Variants in TRDN observed in about 807,000 individuals in gnomAD.
TRDN encodes the protein triadin in skeletal muscle.
A neutral mutation model predicts 149.7 loss-of-function variants in TRDN; 161 were observed. The observed-to-expected ratio is 1.08, with a 90% CI of 0.95 to 1.23. TRDN has a LOEUF of 1.23. TRDN is among the 50% of genes most tolerant of loss of function. The pLI is 0.00. For synonymous variants in TRDN, 294 were observed against 250.5 expected, an observed-to-expected ratio of 1.17 and a Z score of -1.64; for missense variants, 896 against 823.5, an observed-to-expected ratio of 1.09 and a Z score of -1.08.
intron 12 of TRDN, among the ~76,000 whole-genome samples, chr6:123,433,403 C>T (rs1273415290): frequency 6.6e-6 from 1 of 151,752 alleles, no homozygotes; most frequent in East Asian, 1.9e-4. Context: ...CACTGTGTGC[C>T]TCCCTTGTCA....
intron 9 of TRDN, among the ~76,000 whole-genome samples, chr6:123,476,702 C>A (rs1328217340): frequency 4.1e-5 from 6 of 145,872 alleles, no homozygotes; most frequent in African/African-American, 1.5e-4. Context: ...GTACTGGTAC[C>A]AAAACAGAGA....
At chr6:123,271,519 T>C (rs1164266981) in intron 29 of TRDN, among the ~76,000 whole-genome samples, 1 of 151,996 alleles carries the variant, frequency 6.6e-6, no homozygotes, top group Non-Finnish European at 1.5e-5. Context: ...TATGTTCCCT[T>C]ACTATTATTA....
chr6:123,410,490 C>T (rs570025086), intron 12 of TRDN, among the ~76,000 whole-genome samples: 2 of 152,052 alleles, frequency 1.3e-5, no homozygotes, highest in Admixed American at 6.6e-5. Context: ...ATTTCTATAA[C>T]ATTTATTGTA....
At chr6:123,584,639 A>T (rs893091708) in intron 1 of TRDN, among the ~76,000 whole-genome samples, 20 of 152,050 alleles carry the variant, frequency 1.3e-4, no homozygotes, top group Non-Finnish European at 2.9e-4. Flanking sequence ...GACTGAAGTA[A>T]TGGGGGCTGT....
chr6:123,597,325 T>G (rs954796261), intron 1 of TRDN, among the ~76,000 whole-genome samples: 1 of 151,994 alleles, frequency 6.6e-6, no homozygotes, highest in African/African-American at 2.4e-5. Context: ...CTTGAACAGG[T>G]GAGGAGATGC....
At chr6:123,258,366 G>A (rs1451340189) in intron 35 of TRDN, among the ~76,000 whole-genome samples, 1 of 152,076 alleles carries the variant, frequency 6.6e-6, no homozygotes, top group Non-Finnish European at 1.5e-5. Context: ...TTTTGTCAAA[G>A]GCCTTTTCTT....
At chr6:123,333,462 G>T (rs909927601) in intron 22 of TRDN, among the ~76,000 whole-genome samples, 3 of 152,066 alleles carry the variant, frequency 2.0e-5, no homozygotes, top group Admixed American at 1.3e-4. Flanking sequence ...TTTGGAGAAT[G>T]ATCTCAGAAA....
intron 24 of TRDN, among the ~76,000 whole-genome samples, chr6:123,299,178 C>T (rs990673345): frequency 6.6e-6 from 1 of 151,958 alleles, no homozygotes. Context: ...GAAATGGGCC[C>T]CTACTATGAT....
rs1786351069 is a variant in TRDN at position 123,636,854 on chromosome 6, T to G, written c.-79A>C. 1.3e-6 allele frequency: 2 copies of G among 1,545,820 alleles called. No homozygotes were observed. The highest frequency in any genetic ancestry group is 1.4e-5 in the African/African-American group (1 of 73,392). On this transcript the variant is annotated 5_prime_UTR_variant, in exon 1 of 41. Coordinates refer to ENST00000334268, the MANE Select transcript of TRDN (RefSeq NM_006073.4). Reference sequence around the variant, plus strand: ...GCAGAGTATTTGGGGATTTGAGAACTCTGGTGGAGGGTTCTGTGTCAAAAC... The same window carrying G: ...GCAGAGTATTTGGGGATTTGAGAACGCTGGTGGAGGGTTCTGTGTCAAAAC...
chr6:123,398,719 C>A (rs1772837141), intron 12 of TRDN, among the ~76,000 whole-genome samples: 1 of 152,122 alleles, frequency 6.6e-6, no homozygotes, highest in African/African-American at 2.4e-5. Flanking sequence ...ATGATAATTA[C>A]CCTATTGAGA....
chr6:123,543,583 A>ATT lies in TRDN; in HGVS notation c.424+3755_424+3756dup, dbSNP rs1374592857. Among the ~76,000 whole-genome samples the ATT allele has an allele frequency of 3.3e-5, 5 of 152,118 alleles. No individual in the cohort carries two copies. In the South Asian group the frequency reaches 8.3e-4, roughly 25 times the overall value. Reference sequence around the variant, plus strand: ...TTATTTTCTATTACAATCATGCTCAATTTTTTCCCTTTTATATTTCTTAGA... The same window carrying ATT: ...TTATTTTCTATTACAATCATGCTCAATTTTTTTTCCCTTTTATATTTCTTAGA... On this transcript the variant is annotated intron_variant, in intron 4 of 40. Coordinates refer to ENST00000334268, the MANE Select transcript of TRDN (RefSeq NM_006073.4).
intron 21 of TRDN, among the ~76,000 whole-genome samples, chr6:123,342,257 A>G (rs1338684737): frequency 6.6e-6 from 1 of 151,976 alleles, no homozygotes; most frequent in Non-Finnish European, 1.5e-5. Context: ...ATAAGAAATT[A>G]GATATGCATT....
chr6:123,580,784 C>G (rs777831909), intron 1 of TRDN, among the ~76,000 whole-genome samples: 2 of 152,208 alleles, frequency 1.3e-5, no homozygotes, highest in Non-Finnish European at 2.9e-5. Flanking sequence ...GCCTCAACCT[C>G]TCTACTTTGG....
intron 1 of TRDN, among the ~76,000 whole-genome samples, chr6:123,578,899 C>G (rs2317711): frequency 1.3e-5 from 2 of 151,768 alleles, no homozygotes; most frequent in Non-Finnish European, 2.9e-5. Context: ...GTGGTTTTTT[C>G]GTGTGTGTGG....
intron 21 of TRDN, among the ~76,000 whole-genome samples, chr6:123,338,116 T>C (rs900807761): frequency 6.6e-6 from 1 of 152,160 alleles, no homozygotes; most frequent in African/African-American, 2.4e-5. Context: ...TAGGAGACCT[T>C]GGATTTGAAC....
chr6:123,583,222 T>A (rs1583282480), intron 1 of TRDN, among the ~76,000 whole-genome samples: 1 of 152,032 alleles, frequency 6.6e-6, no homozygotes, highest in Admixed American at 6.6e-5. Context: ...ACCGGCAGTG[T>A]AAACAATAGC....
chr6:123,314,302 C>T (rs978698368), intron 24 of TRDN, among the ~76,000 whole-genome samples: 16 of 151,812 alleles, frequency 1.1e-4, no homozygotes, highest in African/African-American at 3.9e-4. Flanking sequence ...CCAATGAGAC[C>T]ATCTCACACC....
chr6:123,365,498 C>T (rs1021210650), intron 20 of TRDN, among the ~76,000 whole-genome samples: 2 of 151,920 alleles, frequency 1.3e-5, no homozygotes, highest in African/African-American at 4.8e-5. Context: ...AAAGCATGTG[C>T]AATAAATTAG....
chr6:123,458,448 A>G (rs1451382316), intron 10 of TRDN, among the ~76,000 whole-genome samples: 8 of 152,196 alleles, frequency 5.3e-5, no homozygotes, highest in Admixed American at 5.2e-4. Flanking sequence ...AAGAGAAAAG[A>G]CTGAAGTCCC....
Sources: allele counts gnomAD v4.1 joint callset (sites outside exome capture counted in the v4.1 genomes callset), GRCh38; gene constraint gnomAD v4.1.1; transcripts MANE v1.5; gene names NCBI Gene and HGNC (gene_info 2026-07-23, HGNC 2026-07-21).